The following STX8 variants were observed in gnomAD, a reference collection of about 807,000 sequenced individuals.
STX8 encodes syntaxin-8.
STX8 carries 23 observed loss-of-function variants against 37.5 expected under a neutral mutation model. That is an observed-to-expected ratio of 0.61 (90% CI 0.44 to 0.87). The LOEUF (loss-of-function observed/expected upper bound fraction) is 0.87, where lower values mean the gene tolerates loss of function less well. Among genes scored for constraint, STX8 ranks in the 40% least tolerant of loss-of-function variants. STX8 has a pLI of 0.00. For missense variants in STX8, 313 were observed against 284.7 expected (o/e 1.10, Z -0.71); for synonymous variants, 115 against 99.1 (o/e 1.16, Z -0.95).
At chr17:9,420,521 C>T (rs963348922) in intron 6 of STX8, among the ~76,000 whole-genome samples, 3 of 152,166 alleles carry the variant, frequency 2.0e-5, no homozygotes, top group African/African-American at 7.2e-5. Context: ...GCATCTTCAC[C>T]TTCTCGGTTC....
At chr17:9,337,364 T>C (rs1910172183) in intron 7 of STX8, among the ~76,000 whole-genome samples, 1 of 151,962 alleles carries the variant, frequency 6.6e-6, no homozygotes, top group Non-Finnish European at 1.5e-5. Flanking sequence ...CCACTTACTC[T>C]CCTCTGCCAT....
At chr17:9,348,101 GTGGT>G (rs1910589572) in intron 7 of STX8, among the ~76,000 whole-genome samples, 1 of 152,064 alleles carries the variant, frequency 6.6e-6, no homozygotes, top group Non-Finnish European at 1.5e-5. Flanking sequence ...TGTGTGACAG[GTGGT>G]ATTTCTTTTA....
intron 6 of STX8, among the ~76,000 whole-genome samples, chr17:9,462,827 G>A (rs1047200): frequency 1.3e-5 from 2 of 152,158 alleles, no homozygotes; most frequent in Admixed American, 1.3e-4. Context: ...TACAGGGAAG[G>A]ACTGCTTGGG....
intron 6 of STX8, among the ~76,000 whole-genome samples, chr17:9,418,837 AAAGGGGGGGGGG>A (rs1292778505): frequency 7.4e-6 from 1 of 135,308 alleles, no homozygotes; most frequent in Non-Finnish European, 1.6e-5. Context: ...AAAAAAAAAA[AAAGGGGGGGGGG>A]AAGGGGGAGG....
chr17:9,465,367 T>G (rs1291582341), intron 6 of STX8, among the ~76,000 whole-genome samples: 1 of 152,230 alleles, frequency 6.6e-6, no homozygotes, highest in African/African-American at 2.4e-5. Context: ...CCTGGCTTCA[T>G]GTCTACGTTA....
At chr17:9,510,326 T>C (rs2142507642) in intron 4 of STX8, among the ~76,000 whole-genome samples, 1 of 152,262 alleles carries the variant, frequency 6.6e-6, no homozygotes, top group South Asian at 2.1e-4. Flanking sequence ...AGCTACAGAA[T>C]ATACATTCTT....
chr17:9,449,979 G>A (rs1904982676), intron 6 of STX8, among the ~76,000 whole-genome samples: 1 of 151,756 alleles, frequency 6.6e-6, no homozygotes, highest in South Asian at 2.1e-4. Flanking sequence ...ATAAATAAAG[G>A]AGAATGAAAG....
chr17:9,563,152 CATTTATTTATTTATTTATTT>C (rs55853449), intron 2 of STX8, among the ~76,000 whole-genome samples: 33 of 142,012 alleles, frequency 2.3e-4, no homozygotes, highest in African/African-American at 5.4e-4. Flanking sequence ...TTCATTCATC[CATTTATTTATTTATTTATTT>C]ATTTATTTAT....
intron 6 of STX8, among the ~76,000 whole-genome samples, chr17:9,457,845 A>C (rs1339562669): frequency 6.6e-6 from 1 of 152,238 alleles, no homozygotes; most frequent in Non-Finnish European, 1.5e-5. Flanking sequence ...CTTCATGTTT[A>C]ATTGGCTGAA....
intron 6 of STX8, among the ~76,000 whole-genome samples, chr17:9,472,846 G>A (rs1002396309): frequency 1.3e-5 from 2 of 152,102 alleles, no homozygotes; most frequent in Non-Finnish European, 2.9e-5. Flanking sequence ...TCCCTTTCTA[G>A]TTAGATGGCT....
chr17:9,256,040 G>GA (rs1236691390), intron 7 of STX8, among the ~76,000 whole-genome samples: 2 of 152,244 alleles, frequency 1.3e-5, no homozygotes, highest in African/African-American at 2.4e-5. Context: ...CACCGTTCAT[G>GA]AAACAGTCAT....
intron 4 of STX8, among the ~76,000 whole-genome samples, chr17:9,521,125 T>A (rs1905323905): frequency 6.6e-6 from 1 of 152,226 alleles, no homozygotes; most frequent in African/African-American, 2.4e-5. Flanking sequence ...AGAAATAGAT[T>A]CTTTGACAGA....
intron 6 of STX8, among the ~76,000 whole-genome samples, chr17:9,418,651 C>A (rs1324196931): frequency 1.3e-5 from 2 of 150,918 alleles, no homozygotes; most frequent in African/African-American, 2.4e-5. Context: ...ACACGTGAAA[C>A]CCCGTCTCTA....
chr17:9,317,710 G>A (rs1909431808), intron 7 of STX8, among the ~76,000 whole-genome samples: 1 of 151,534 alleles, frequency 6.6e-6, no homozygotes. Flanking sequence ...AGCTTGCAGT[G>A]AGCCGAGATT....
At chr17:9,481,229 T>C (rs1906327341) in intron 6 of STX8, among the ~76,000 whole-genome samples, 1 of 152,134 alleles carries the variant, frequency 6.6e-6, no homozygotes, top group South Asian at 2.1e-4. Context: ...AAGTGCCTCA[T>C]GCCACCAGGA....
At chr17:9,292,414 G>C (rs1334072309) in intron 7 of STX8, among the ~76,000 whole-genome samples, 1 of 152,192 alleles carries the variant, frequency 6.6e-6, no homozygotes, top group Non-Finnish European at 1.5e-5. Flanking sequence ...TCCCAGTTCA[G>C]AGATTTATGG....
rs138015570 is a variant in STX8, at chr17:9,276,402, A to C, written c.644-25757T>G. Among the ~76,000 whole-genome samples, 31 of 152,224 alleles carry C rather than the reference A, an allele frequency of 2.0e-4. No homozygotes were observed. In the East Asian group the frequency reaches 5.8e-3, roughly 28 times the overall value. ...AAGATGTCCCAAAGAACAAAAGTTTAATTAATATATATCCCAGGCTACAGA... is the reference window on the plus strand; with the variant it reads ...AAGATGTCCCAAAGAACAAAAGTTTCATTAATATATATCCCAGGCTACAGA... On this transcript the variant is annotated intron_variant, in intron 7 of 7. Coordinates refer to ENST00000306357, the MANE Select transcript of STX8 (RefSeq NM_004853.3).
chr17:9,387,041 C>G (rs918613111), intron 6 of STX8, among the ~76,000 whole-genome samples: 2 of 151,932 alleles, frequency 1.3e-5, no homozygotes, highest in East Asian at 3.9e-4. Flanking sequence ...TAGACCAACA[C>G]AATATCAGTG....
Position 9,277,605 on chromosome 17 carries a change from A to C in STX8, c.644-26960T>G, listed in dbSNP as rs1907721245. Among the ~76,000 whole-genome samples the C allele has an allele frequency of 3.9e-5, 6 of 152,168 alleles. No homozygotes were observed. The South Asian group carries it at 1.2e-3, about 32-fold the overall frequency. ...GGGGGAGTCAGACATTCAAACAACC[A>C]CACAATAAAATGATTACAAATCATA... On this transcript the variant is annotated intron_variant, in intron 7 of 7. Coordinates refer to ENST00000306357, the MANE Select transcript of STX8 (RefSeq NM_004853.3).
Sources: allele counts gnomAD v4.1 joint callset (sites outside exome capture counted in the v4.1 genomes callset), GRCh38; gene constraint gnomAD v4.1.1; transcripts MANE v1.5; gene names NCBI Gene and HGNC (gene_info 2026-07-23, HGNC 2026-07-21).